TMEM132B: variants seen among roughly 807,000 people sequenced by gnomAD.
TMEM132B encodes transmembrane protein 132B.
A neutral mutation model predicts 90.8 loss-of-function variants in TMEM132B; 18 were observed. The ratio of observed to expected loss-of-function variants is 0.20; its 90% CI spans 0.14 to 0.29. The LOEUF (loss-of-function observed/expected upper bound fraction) is 0.29. Ranked by LOEUF, TMEM132B falls within the 10% of genes least tolerant of loss-of-function variation. The pLI, the probability that TMEM132B is intolerant of heterozygous loss-of-function variation, is 1.00. For synonymous variants in TMEM132B, 504 were observed against 523.3 expected (o/e 0.96, Z 0.50); for missense variants, 1,096 against 1,326.8 (o/e 0.83, Z 2.70).
chr12:125,420,593 G>A (rs1880142046), intron 3 of TMEM132B, among the ~76,000 whole-genome samples: 2 of 152,168 alleles, frequency 1.3e-5, no homozygotes, highest in South Asian at 2.1e-4. Context: ...CGACTGCCAG[G>A]AAGGTCTGTG....
intron 1 of TMEM132B, among the ~76,000 whole-genome samples, chr12:125,210,054 G>C (rs114243098): frequency 6.6e-6 from 1 of 152,170 alleles, no homozygotes; most frequent in East Asian, 1.9e-4. Context: ...CTCAGCTCTT[G>C]CAGGGTGGAC....
In TMEM132B at chr12:125,654,029, T is replaced by G; in HGVS notation, c.2571T>G (p.Ser857=). 6.2e-7 allele frequency: 1 copy of G among 1,614,056 alleles called. No individual in the cohort carries two copies. Among genetic ancestry groups the G allele is most frequent in the Non-Finnish European group, 8.5e-7 (1 of 1,180,010 alleles). The change falls in exon 9 of 9, where the codon TCT becomes TCG. Residue 857 remains serine, a synonymous_variant. Transcript: ENST00000682704. The surrounding 1 kb of genome is among the most constrained non-coding windows in gnomAD (Gnocchi z 5.8). ...ESTNKSTTPQ[S]PMEGKNKLLK... is the part of the protein sequence containing the mutation. ...CCAACAAAAGCACAACCCCCCAGTC[T>G]CCCATGGAAGGGAAGAATAAGTTAC... is the stretch of plus-strand genomic sequence containing the variant.
In TMEM132B at chr12:125,662,237, A is replaced by G. The variant is rs1173252775; in HGVS notation, c.*7527A>G. 4 of 152,230 alleles carry G rather than the reference A, an allele frequency of 2.6e-5. No individual in the cohort carries two copies. Among genetic ancestry groups the G allele is most frequent in the Admixed American group, 2.0e-4 (3 of 15,278 alleles). 9.4% of individuals were successfully genotyped at this position (152,230 alleles called of 1,614,324 possible). ...ATTGTGCTTCTATATACCTTTTTGT[A>G]TAATGTATCTATCTCATTATATTAC... On this transcript the variant is annotated 3_prime_UTR_variant, in exon 9 of 9. Coordinates refer to ENST00000682704, the MANE Select transcript of TMEM132B (RefSeq NM_001366854.1).
intron 3 of TMEM132B, among the ~76,000 whole-genome samples, chr12:125,448,193 G>A (rs1466543343): frequency 6.6e-6 from 1 of 151,954 alleles, no homozygotes; most frequent in Admixed American, 6.6e-5. Context: ...GAACCCAGGA[G>A]GTGAAGGTTG....
At chr12:125,553,503 G>T (rs1884291971) in intron 4 of TMEM132B, among the ~76,000 whole-genome samples, 2 of 152,234 alleles carry the variant, frequency 1.3e-5, no homozygotes, top group Non-Finnish European at 2.9e-5. Context: ...CTGGGGCTCA[G>T]GGGAGGCTCT....
intron 5 of TMEM132B, among the ~76,000 whole-genome samples, chr12:125,615,098 A>G (rs1196392705): frequency 5.3e-5 from 8 of 151,448 alleles, no homozygotes; most frequent in Admixed American, 1.3e-4. Flanking sequence ...TGTTTTAAGT[A>G]TTTTCTCTGT....
Position 125,654,666 on chromosome 12 carries a change from C to G in TMEM132B, c.3208C>G (p.Gln1070Glu), listed in dbSNP as rs1376893613. The change falls in exon 9 of 9, where the codon CAG becomes GAG. Residue 1070 changes from glutamine to glutamate, a missense_variant. Gln to Glu is a conservative substitution (Grantham distance 29). Coordinates refer to ENST00000682704, the MANE Select transcript of TMEM132B (RefSeq NM_001366854.1). The surrounding 1 kb of genome is among the most constrained non-coding windows in gnomAD (Gnocchi z 5.8). Reference sequence around the variant, plus strand: ...CCAAGATATGGGGCTGGGGGATTCACAGGACTTTAGAGACTATATGGAAAG... The same window carrying G: ...CCAAGATATGGGGCTGGGGGATTCAGAGGACTTTAGAGACTATATGGAAAG... ...VCQDMGLGDS[Q>E]DFRDYMESLQ... 1 of 1,614,182 alleles carries G rather than the reference C, an allele frequency of 6.2e-7. No individual in the cohort carries two copies. Among genetic ancestry groups the G allele is most frequent in the Non-Finnish European group, 8.5e-7 (1 of 1,180,034 alleles).
intron 5 of TMEM132B, among the ~76,000 whole-genome samples, chr12:125,637,778 A>C (rs961991280): frequency 2.0e-5 from 3 of 152,198 alleles, no homozygotes; most frequent in African/African-American, 7.2e-5. Context: ...TTGTGATTCC[A>C]TTTATATAAA....
intron 2 of TMEM132B, among the ~76,000 whole-genome samples, chr12:125,387,692 G>A (rs887758352): frequency 6.6e-6 from 1 of 152,298 alleles, no homozygotes; most frequent in South Asian, 2.1e-4. Context: ...GTAGGATATT[G>A]GAGGTTTAAA....
chr12:125,221,631 A>G (rs1354727486), intron 1 of TMEM132B, among the ~76,000 whole-genome samples: 2 of 152,238 alleles, frequency 1.3e-5, no homozygotes, highest in African/African-American at 4.8e-5. Context: ...AAGCCTGTAA[A>G]AGAAAGAATG....
chr12:125,622,467 A>T, intron 5 of TMEM132B: 1 of 985,426 alleles, frequency 1.0e-6, no homozygotes, highest in African/African-American at 1.7e-5. Context: ...CAGGTTTCCA[A>T]CCAACCTTTC....
intron 3 of TMEM132B, among the ~76,000 whole-genome samples, chr12:125,437,745 A>G (rs1444010882): frequency 1.3e-5 from 2 of 152,222 alleles, no homozygotes; most frequent in Admixed American, 6.5e-5. Flanking sequence ...GTGTGATTCC[A>G]TATATATGAA....
chr12:125,495,003 C>T (rs1167333068), intron 3 of TMEM132B, among the ~76,000 whole-genome samples: 1 of 123,704 alleles, frequency 8.1e-6, no homozygotes, highest in African/African-American at 3.2e-5. Context: ...TGTGTCCCTC[C>T]TCCCTCTCCT....
chr12:125,435,826 G>A (rs1396036026), intron 3 of TMEM132B, among the ~76,000 whole-genome samples: 2 of 152,028 alleles, frequency 1.3e-5, no homozygotes, highest in South Asian at 2.1e-4. Context: ...AGGGACAAGT[G>A]GACTCCCCGG....
Position 125,246,369 on chromosome 12 carries a change from T to C in TMEM132B, c.67+59503T>C, listed in dbSNP as rs1874206968. 6.6e-6 allele frequency among the ~76,000 whole-genome samples: 1 copy of C among 152,214 alleles called. No individual in the cohort carries two copies. On this transcript the variant is annotated intron_variant, in intron 1 of 8. Coordinates refer to ENST00000682704, the MANE Select transcript of TMEM132B (RefSeq NM_001366854.1). The surrounding 1 kb of genome is among the most constrained non-coding windows in gnomAD (Gnocchi z 4.2). ...TAAATAATGCAAAGGATTATGAATA[T>C]GAATAGGGGACTCGTTCTGTTCTGA...
intron 4 of TMEM132B, among the ~76,000 whole-genome samples, chr12:125,569,501 G>T (rs1884739651): frequency 6.6e-6 from 1 of 152,136 alleles, no homozygotes; most frequent in Non-Finnish European, 1.5e-5. Flanking sequence ...TGCAGCTGAG[G>T]ATGTCCTTTT....
chr12:125,600,780 A>C (rs1885548780), intron 5 of TMEM132B, among the ~76,000 whole-genome samples: 15 of 152,238 alleles, frequency 9.9e-5, no homozygotes. Context: ...AAAATTTACC[A>C]AGCAAATGGA....
intron 3 of TMEM132B, among the ~76,000 whole-genome samples, chr12:125,427,906 C>T (rs1187458928): frequency 6.6e-6 from 1 of 152,090 alleles, no homozygotes; most frequent in Admixed American, 6.6e-5. Flanking sequence ...GGCATGATGA[C>T]TTAAAACCAG....
intron 3 of TMEM132B, among the ~76,000 whole-genome samples, chr12:125,501,589 C>T (rs929241601): frequency 6.6e-6 from 1 of 151,926 alleles, no homozygotes; most frequent in East Asian, 1.9e-4. Flanking sequence ...CCCATGTGTT[C>T]TCATTGTTCA....
Sources: allele counts gnomAD v4.1 joint callset (sites outside exome capture counted in the v4.1 genomes callset), GRCh38; gene constraint gnomAD v4.1.1; non-coding constraint Gnocchi (gnomAD v3.1); transcripts MANE v1.5; gene names NCBI Gene and HGNC (gene_info 2026-07-23, HGNC 2026-07-21).